The following MANBA variants were observed in gnomAD, a reference collection of about 807,000 sequenced individuals.
The protein encoded by MANBA is mannosidase beta.
MANBA carries 83 observed loss-of-function variants against 111.1 expected under a neutral mutation model. The observed-to-expected ratio is 0.75, with a 90% CI of 0.63 to 0.90. The LOEUF is 0.90. MANBA is among the 40% of genes least tolerant of loss of function. The pLI is 0.00. For missense variants in MANBA, 1,036 were observed against 1,069.0 expected, an observed-to-expected ratio of 0.97 and a Z score of 0.43; for synonymous variants, 370 against 378.7, an observed-to-expected ratio of 0.98 and a Z score of 0.27.
At chr4:102,692,507 A>G (rs998860920) in intron 5 of MANBA, among the ~76,000 whole-genome samples, 1 of 152,152 alleles carries the variant, frequency 6.6e-6, no homozygotes, top group Non-Finnish European at 1.5e-5. Context: ...TTTAAACAAG[A>G]TAGAGCACTG....
At chr4:102,652,747 C>T (rs228632) in intron 12 of MANBA, among the ~76,000 whole-genome samples, 74,831 of 151,694 alleles carry the variant, frequency 0.49, 18,620 homozygotes, top group South Asian at 0.54. Flanking sequence ...AATAAAAAAT[C>T]AGCCTGGTGT....
At chr4:102,657,238 G>GAA (rs1730605133) in intron 12 of MANBA, among the ~76,000 whole-genome samples, 3 of 105,178 alleles carry the variant, frequency 2.9e-5, no homozygotes, top group Non-Finnish European at 5.9e-5. Flanking sequence ...GGGGGTGGGC[G>GAA]GTGGTAATGG....
chr4:102,671,169 T>C, intron 9 of MANBA, 112 bp downstream of exon 9: 2 of 782,924 alleles, frequency 2.6e-6, no homozygotes, highest in Non-Finnish European at 4.6e-6. Flanking sequence ...TAGCCCCAAA[T>C]GGAATATCAT....
chr4:102,693,429 T>C (rs972698398), intron 5 of MANBA, among the ~76,000 whole-genome samples: 2 of 152,182 alleles, frequency 1.3e-5, no homozygotes, highest in Non-Finnish European at 2.9e-5. Flanking sequence ...TGCAGCCTTA[T>C]AAGAAGAGGA....
chr4:102,636,240 A>G (rs532174043), intron 14 of MANBA, among the ~76,000 whole-genome samples: 2 of 152,342 alleles, frequency 1.3e-5, no homozygotes, highest in Admixed American at 6.5e-5. Context: ...GGCATTAACG[A>G]ACCATGCTGT....
chr4:102,684,660 C>T (rs6844161), intron 7 of MANBA, among the ~76,000 whole-genome samples: 5,280 of 152,244 alleles, frequency 0.035, 316 homozygotes, highest in African/African-American at 0.12. Context: ...GCAGGGGATA[C>T]GCTCCAAGAC....
chr4:102,689,826 C>A, intron 6 of MANBA, 142 bp from the exon 7 acceptor site: 1 of 633,336 alleles, frequency 1.6e-6, no homozygotes. Context: ...ATATTATGCC[C>A]AATCAGACCA....
chr4:102,647,996 T>C (rs1379297250), intron 13 of MANBA, among the ~76,000 whole-genome samples: 1 of 152,068 alleles, frequency 6.6e-6, no homozygotes, highest in Non-Finnish European at 1.5e-5. Context: ...CAGATCAACT[T>C]TATTATTGGG....
chr4:102,719,018 A>C (rs1397518430), intron 4 of MANBA, among the ~76,000 whole-genome samples: 1 of 152,232 alleles, frequency 6.6e-6, no homozygotes, highest in African/African-American at 2.4e-5. Context: ...CATTGTCTTG[A>C]TAAGCATCTT....
intron 4 of MANBA, among the ~76,000 whole-genome samples, chr4:102,722,029 CAAAAAAAAAAAA>C (rs562110956): frequency 6.9e-5 from 6 of 87,188 alleles, no homozygotes; most frequent in African/African-American, 2.8e-4. Context: ...GACCCAGTCT[CAAAAAAAAAAAA>C]AAAAAAAAAG....
chr4:102,665,010 A>G (rs912254118), intron 10 of MANBA, 158 bp from the exon 11 acceptor site: 8 of 613,632 alleles, frequency 1.3e-5, no homozygotes, highest in Non-Finnish European at 2.3e-5. Flanking sequence ...AGCTGCAGGA[A>G]TACATTTTAA....
chr4:102,681,502 A>G (rs1731976007), intron 7 of MANBA: 2 of 152,214 alleles, frequency 1.3e-5, no homozygotes, highest in Admixed American at 1.3e-4. Context: ...AAATTAGTAG[A>G]ATATACTTCA....
intron 6 of MANBA, among the ~76,000 whole-genome samples, chr4:102,690,378 T>C (rs1732417442): frequency 6.6e-6 from 1 of 152,200 alleles, no homozygotes; most frequent in Non-Finnish European, 1.5e-5. Context: ...GCCAAATTAA[T>C]AATATATTCT....
In MANBA at chr4:102,748,666, A is replaced by T. The variant is rs183041597; in HGVS notation, c.177+12052T>A. Among the ~76,000 whole-genome samples, 1,172 of 152,258 alleles carry T rather than the reference A, an allele frequency of 7.7e-3. 5 individuals carry two copies. The highest frequency in any genetic ancestry group is 0.012 in the Non-Finnish European group (799 of 68,018). ...AAGGTGGCTCATGCCTGTAATCCCAACACTTTGGGGGGCCGAGGTGGGCGG... is the reference window on the plus strand; with the variant it reads ...AAGGTGGCTCATGCCTGTAATCCCATCACTTTGGGGGGCCGAGGTGGGCGG... On this transcript the variant is annotated intron_variant, in intron 1 of 16. Transcript: ENST00000647097.
At chr4:102,659,089 ACT>A (rs1289994396) in intron 11 of MANBA, 1 of 152,124 alleles carries the variant, frequency 6.6e-6, no homozygotes, top group East Asian at 1.9e-4. Flanking sequence ...AGAATCTATG[ACT>A]CTGTCAAGTA....
At chr4:102,697,002 T>C (rs1463571067) in intron 5 of MANBA, among the ~76,000 whole-genome samples, 1 of 152,154 alleles carries the variant, frequency 6.6e-6, no homozygotes, top group Non-Finnish European at 1.5e-5. Flanking sequence ...CTGTTTTCCC[T>C]CTTCTTCACC....
At chr4:102,750,854 A>G (rs1318608197) in intron 1 of MANBA, among the ~76,000 whole-genome samples, 3 of 152,170 alleles carry the variant, frequency 2.0e-5, no homozygotes, top group Non-Finnish European at 4.4e-5. Context: ...TTAAGCCTGC[A>G]GTGAGCCATG....
chr4:102,636,826 A>G (rs1249938834), intron 14 of MANBA, among the ~76,000 whole-genome samples: 1 of 152,156 alleles, frequency 6.6e-6, no homozygotes. Flanking sequence ...TTATATATAC[A>G]TATATAATTT....
At chr4:102,662,881 T>C (rs1731034321) in intron 11 of MANBA, 1 of 152,584 alleles carries the variant, frequency 6.6e-6, no homozygotes, top group African/African-American at 2.4e-5. Flanking sequence ...GTTGAGCATA[T>C]TAAGCACTCT....
Sources: allele counts gnomAD v4.1 joint callset (sites outside exome capture counted in the v4.1 genomes callset), GRCh38; gene constraint gnomAD v4.1.1; transcripts MANE v1.5; gene names NCBI Gene and HGNC (gene_info 2026-07-23, HGNC 2026-07-21).